The following SPOCK3 variants were observed in gnomAD, a reference collection of about 807,000 sequenced individuals.
SPOCK3 encodes the protein testican-3.
Under a neutral mutation model 56.6 loss-of-function variants are expected in SPOCK3, and 30 were observed. The observed-to-expected ratio is 0.53, with a 90% confidence interval of 0.40 to 0.72. The LOEUF (loss-of-function observed/expected upper bound fraction) is 0.72. SPOCK3 is among the 30% of genes least tolerant of loss of function. The probability of loss-of-function intolerance (pLI) is 0.00; values close to 1 mark genes in which losing one functional copy is unlikely to be tolerated. For missense variants in SPOCK3, 527 were observed against 530.0 expected (o/e 0.99, Z 0.06); for synonymous variants, 196 against 183.3 (o/e 1.07, Z -0.56).
chr4:166,988,837 T>G (rs992613838), intron 4 of SPOCK3, among the ~76,000 whole-genome samples: 1 of 152,098 alleles, frequency 6.6e-6, no homozygotes, highest in Non-Finnish European at 1.5e-5. Flanking sequence ...ACCTACAAAT[T>G]TCTTAGTAAA....
At chr4:167,109,758 A>G (rs955709371) in intron 2 of SPOCK3, among the ~76,000 whole-genome samples, 1 of 151,306 alleles carries the variant, frequency 6.6e-6, no homozygotes, top group South Asian at 2.1e-4. Flanking sequence ...CTTAAAGAAG[A>G]AAAAAGAAAA....
intron 4 of SPOCK3, among the ~76,000 whole-genome samples, chr4:166,983,112 C>T (rs1005702376): frequency 2.6e-5 from 4 of 152,042 alleles, no homozygotes; most frequent in Admixed American, 6.6e-5. Flanking sequence ...ACTTTTTCCA[C>T]GTAGTATTGA....
In SPOCK3 at chr4:166,988,784, C is replaced by T. The variant is rs575357940; in HGVS notation, c.350+11565G>A. On this transcript the variant is annotated intron_variant, in intron 4 of 10. Transcript: ENST00000357545. ...TGCATTGTCTTAATCTGTAAAAGGACGAAAATAATAGTAACTACAAAATAA... is the reference window on the plus strand; with the variant it reads ...TGCATTGTCTTAATCTGTAAAAGGATGAAAATAATAGTAACTACAAAATAA... Among the ~76,000 whole-genome samples the T allele has an allele frequency of 3.1e-4, 47 of 151,996 alleles. No homozygotes were observed. The East Asian group carries it at 7.0e-3, about 23-fold the overall frequency.
intron 3 of SPOCK3, among the ~76,000 whole-genome samples, chr4:167,032,723 GA>G (rs1038942782): frequency 7.3e-5 from 11 of 151,584 alleles, no homozygotes; most frequent in Admixed American, 2.0e-4. Flanking sequence ...AATTATCATA[GA>G]AAAAAAGGCA....
Position 167,077,482 on chromosome 4 carries a change from C to G in SPOCK3, c.190-14945G>C, listed in dbSNP as rs140720605. On this transcript the variant is annotated intron_variant, in intron 2 of 10. Coordinates refer to ENST00000357545, the MANE Select transcript of SPOCK3 (RefSeq NM_001040159.2). The stretch of plus-strand genomic sequence containing the variant: ...GAACATTTTTAAGAGAACAAGATTC[C>G]CTTTAGAATAATCCTGTGTACAGAA... 6.6e-5 allele frequency among the ~76,000 whole-genome samples: 10 copies of G among 151,864 alleles called. No individual in the cohort carries two copies. In the East Asian group the frequency reaches 2.0e-3, roughly 30 times the overall value.
chr4:167,023,057 A>T (rs1283765673), intron 3 of SPOCK3, among the ~76,000 whole-genome samples: 3 of 151,960 alleles, frequency 2.0e-5, no homozygotes, highest in African/African-American at 7.2e-5. Context: ...ATGTATAGAG[A>T]CTATGCACAG....
At position 167,217,791 on chromosome 4, in the gene SPOCK3, T is replaced by C. The variant is rs191457198; in HGVS notation, c.189+16194A>G. On this transcript the variant is annotated intron_variant, in intron 2 of 10. Transcript: ENST00000357545. Reference sequence around the variant, plus strand: ...GCCCAACTTAAAACTCAATCTGAAATACATATTTTCACATACTAAATGGCT... The same window carrying C: ...GCCCAACTTAAAACTCAATCTGAAACACATATTTTCACATACTAAATGGCT... Among the ~76,000 whole-genome samples the C allele has an allele frequency of 2.1e-3, 321 of 152,172 alleles. 2 individuals carry two copies. The Middle Eastern group carries it at 0.024, about 11-fold the overall frequency.
At chr4:166,848,987 C>T (rs1748392977) in intron 6 of SPOCK3, among the ~76,000 whole-genome samples, 1 of 152,172 alleles carries the variant, frequency 6.6e-6, no homozygotes, top group South Asian at 2.1e-4. Context: ...TATTCAGAAA[C>T]TCAAGAAATC....
At position 166,945,489 on chromosome 4, in the gene SPOCK3, C is replaced by T. The variant is rs187124455; in HGVS notation, c.351-32746G>A. 6.5e-3 allele frequency among the ~76,000 whole-genome samples: 985 copies of T among 152,210 alleles called. 3 individuals are homozygous for T. Among genetic ancestry groups the T allele is most frequent in the Non-Finnish European group, 9.7e-3 (661 of 67,998 alleles). On this transcript the variant is annotated intron_variant, in intron 4 of 10. Coordinates refer to ENST00000357545, the MANE Select transcript of SPOCK3 (RefSeq NM_001040159.2). ...TCATATGTTATCTGTTAGACAGATTCCCTTGACGTAATCAGTTTCCCATAT... is the reference window on the plus strand; with the variant it reads ...TCATATGTTATCTGTTAGACAGATTTCCTTGACGTAATCAGTTTCCCATAT...
chr4:167,108,992 TTATA>T (rs200728520), intron 2 of SPOCK3, among the ~76,000 whole-genome samples: 1 of 8,698 alleles, frequency 1.1e-4, no homozygotes, highest in African/African-American at 6.1e-4. Context: ...AAATATATAT[TTATA>T]TATATATAAA....
At chr4:166,974,320 T>C (rs1346075630) in intron 4 of SPOCK3, among the ~76,000 whole-genome samples, 1 of 152,142 alleles carries the variant, frequency 6.6e-6, no homozygotes, top group Non-Finnish European at 1.5e-5. Flanking sequence ...GAGTTTGGAA[T>C]TGGGGACAGA....
intron 2 of SPOCK3, among the ~76,000 whole-genome samples, chr4:167,132,914 TAAA>T (rs1762819277): frequency 6.6e-6 from 1 of 152,206 alleles, no homozygotes; most frequent in Non-Finnish European, 1.5e-5. Flanking sequence ...TGTCATCTGC[TAAA>T]ATCCTTTCTT....
chr4:167,173,875 G>A (rs1387763607), intron 2 of SPOCK3, among the ~76,000 whole-genome samples: 2 of 152,152 alleles, frequency 1.3e-5, no homozygotes, highest in Non-Finnish European at 2.9e-5. Context: ...GATTCATAGG[G>A]CCCTATAGGC....
intron 2 of SPOCK3, among the ~76,000 whole-genome samples, chr4:167,169,364 G>A (rs1730294453): frequency 6.6e-6 from 1 of 152,218 alleles, no homozygotes; most frequent in Non-Finnish European, 1.5e-5. Context: ...AGCTGTCCAA[G>A]TCTGTGTGTG....
chr4:167,118,569 G>A (rs1761616843), intron 2 of SPOCK3, among the ~76,000 whole-genome samples: 1 of 152,098 alleles, frequency 6.6e-6, no homozygotes, highest in Admixed American at 6.6e-5. Context: ...GATTGCTTAT[G>A]TAGCATTTTC....
At chr4:166,952,867 A>G (rs1742853550) in intron 4 of SPOCK3, among the ~76,000 whole-genome samples, 1 of 151,800 alleles carries the variant, frequency 6.6e-6, no homozygotes. Flanking sequence ...GTGCTGGGTA[A>G]ACTGGCTAGC....
At chr4:167,208,704 T>A (rs1346377511) in intron 2 of SPOCK3, among the ~76,000 whole-genome samples, 1 of 114,730 alleles carries the variant, frequency 8.7e-6, no homozygotes, top group African/African-American at 4.0e-5. Flanking sequence ...TTTAGATTTT[T>A]GTTTATACAT....
intron 4 of SPOCK3, among the ~76,000 whole-genome samples, chr4:166,923,271 C>T (rs926356958): frequency 6.6e-6 from 1 of 152,140 alleles, no homozygotes; most frequent in African/African-American, 2.4e-5. Context: ...TAGGTCTCAC[C>T]CTGATAATCT....
At chr4:166,955,681 AATT>A (rs1428157863) in intron 4 of SPOCK3, among the ~76,000 whole-genome samples, 1 of 147,620 alleles carries the variant, frequency 6.8e-6, no homozygotes, top group East Asian at 2.0e-4. Context: ...GAGAAATATA[AATT>A]ATTAATAAAG....
Sources: allele counts gnomAD v4.1 joint callset (sites outside exome capture counted in the v4.1 genomes callset), GRCh38; gene constraint gnomAD v4.1.1; transcripts MANE v1.5; gene names NCBI Gene and HGNC (gene_info 2026-07-23, HGNC 2026-07-21).